The following RIMS2 variants were observed in gnomAD, a reference collection of about 807,000 sequenced individuals.
RIMS2 encodes regulating synaptic membrane exocytosis 2.
In RIMS2, 59 loss-of-function variants were observed where a neutral mutation model predicts 174.4. That is an observed-to-expected ratio of 0.34 (90% CI 0.27 to 0.42). The LOEUF (loss-of-function observed/expected upper bound fraction) is 0.42. Among genes scored for constraint, RIMS2 ranks in the 10% least tolerant of loss-of-function variants. RIMS2 has a pLI of 1.00. For missense variants in RIMS2, 1,620 were observed against 1,666.3 expected (o/e 0.97, Z 0.48); for synonymous variants, 606 against 572.5 (o/e 1.06, Z -0.84).
At chr8:103,854,731 A>G (rs1274766675) in intron 3 of RIMS2, among the ~76,000 whole-genome samples, 1 of 151,996 alleles carries the variant, frequency 6.6e-6, no homozygotes, top group Non-Finnish European at 1.5e-5. Context: ...GTTGTGGTAT[A>G]TTAACTTTTT....
chr8:103,664,589 C>T (rs1453470252), intron 1 of RIMS2, among the ~76,000 whole-genome samples: 2 of 152,120 alleles, frequency 1.3e-5, no homozygotes, highest in Non-Finnish European at 2.9e-5. Context: ...CCATCTCATG[C>T]CAGTTAGAAT....
In RIMS2 at chr8:104,137,560, TC is replaced by T. The variant is rs1196361945; in HGVS notation, c.3335-107355del. On this transcript the variant is annotated intron_variant, in intron 19 of 23. Coordinates refer to ENST00000504942, the Ensembl canonical transcript of RIMS2. The stretch of plus-strand genomic sequence containing the variant: ...TTTATACATTCATTATATATTACAA[TC>T]ATGTATATAATAAATAGATGGCATA... Among the ~76,000 whole-genome samples, 6 of 152,336 alleles carry T rather than the reference TC, an allele frequency of 3.9e-5. No homozygotes were observed. In the South Asian group the frequency reaches 1.2e-3, roughly 32 times the overall value.
intron 19 of RIMS2, among the ~76,000 whole-genome samples, chr8:104,181,226 A>G (rs955644847): frequency 1.3e-5 from 2 of 151,670 alleles, no homozygotes; most frequent in African/African-American, 2.4e-5. Flanking sequence ...CTATTGAAGC[A>G]TATCTTGGAA....
At chr8:103,571,488 T>G (rs1311281289) in intron 1 of RIMS2, among the ~76,000 whole-genome samples, 1 of 152,172 alleles carries the variant, frequency 6.6e-6, no homozygotes, top group African/African-American at 2.4e-5. Context: ...TTGGTGTGGA[T>G]ACTGTGACAG....
intron 19 of RIMS2, among the ~76,000 whole-genome samples, chr8:104,033,156 G>GAATTT (rs2096437280): frequency 1.3e-5 from 2 of 151,688 alleles, no homozygotes; most frequent in Admixed American, 6.6e-5. Context: ...TTCACATTGG[G>GAATTT]AATTTAAATT....
chr8:103,976,990 T>A (rs1365505524), intron 16 of RIMS2: 1 of 152,222 alleles, frequency 6.6e-6, no homozygotes, highest in Non-Finnish European at 1.5e-5. Flanking sequence ...ACAAGAAATA[T>A]GTGCATAATT....
exon 3 of RIMS2, chr8:103,766,525 TAGCTTC>T: frequency 6.2e-7 from 1 of 1,610,818 alleles, no homozygotes; most frequent in Admixed American, 1.7e-5. Flanking sequence ...GCCAGTGACA[TAGCTTC>T]AGACAGGTAA....
intron 19 of RIMS2, among the ~76,000 whole-genome samples, chr8:104,188,240 T>TG (rs2098979209): frequency 2.9e-5 from 4 of 138,906 alleles, no homozygotes; most frequent in African/African-American, 1.1e-4. Context: ...GATAGATAGA[T>TG]AGATAGATAG....
intron 1 of RIMS2, among the ~76,000 whole-genome samples, chr8:103,564,261 T>C (rs1487613554): frequency 6.6e-6 from 1 of 152,234 alleles, no homozygotes; most frequent in Non-Finnish European, 1.5e-5. Flanking sequence ...CATCAGATTC[T>C]GTACCTTTAA....
At chr8:103,577,060 C>T (rs376079026) in intron 1 of RIMS2, among the ~76,000 whole-genome samples, 1 of 152,062 alleles carries the variant, frequency 6.6e-6, no homozygotes, top group Non-Finnish European at 1.5e-5. Context: ...GCAACAAAAG[C>T]CAAAATTGAC....
intron 2 of RIMS2, among the ~76,000 whole-genome samples, chr8:103,732,484 C>A (rs2097614643): frequency 1.3e-5 from 2 of 152,150 alleles, no homozygotes. Flanking sequence ...AAGGGCTCTA[C>A]AATCAGCAGG....
At chr8:103,751,725 T>G (rs2097894527) in intron 2 of RIMS2, among the ~76,000 whole-genome samples, 1 of 151,164 alleles carries the variant, frequency 6.6e-6, no homozygotes, top group African/African-American at 2.4e-5. Flanking sequence ...TCATGTGTTT[T>G]TTGGCTGCAT....
At chr8:104,000,716 A>C (rs1273503383) in intron 17 of RIMS2, among the ~76,000 whole-genome samples, 1 of 151,764 alleles carries the variant, frequency 6.6e-6, no homozygotes, top group East Asian at 1.9e-4. Flanking sequence ...TCTCTCCAGC[A>C]CTTGTTATTT....
chr8:103,541,369 A>G (rs1842497656), intron 1 of RIMS2, among the ~76,000 whole-genome samples: 1 of 152,252 alleles, frequency 6.6e-6, no homozygotes. Flanking sequence ...CTGTTAACCA[A>G]TACTTTACCC....
chr8:104,100,796 TTA>T (rs978045939), intron 19 of RIMS2, among the ~76,000 whole-genome samples: 4 of 142,848 alleles, frequency 2.8e-5, no homozygotes, highest in African/African-American at 1.0e-4. Flanking sequence ...CAATTTCCTG[TTA>T]TATATATATT....
intron 3 of RIMS2, among the ~76,000 whole-genome samples, chr8:103,798,195 A>G (rs2098567375): frequency 6.6e-6 from 1 of 152,190 alleles, no homozygotes; most frequent in Non-Finnish European, 1.5e-5. Flanking sequence ...AGTCAGGATT[A>G]ATGATATAGT....
chr8:103,757,925 C>G lies in RIMS2; in HGVS notation c.388-8302C>G, dbSNP rs73291818. ...AGGAACTGGTTTTCCCTAGAGCCTT[C>G]TGAAGGATCATGGCCCTGTTGACAT... is the stretch of plus-strand genomic sequence containing the variant. On this transcript the variant is annotated intron_variant, in intron 2 of 23. Transcript: ENST00000504942. Among the ~76,000 whole-genome samples, 762 of 152,308 alleles carry G rather than the reference C, an allele frequency of 5.0e-3. 8 individuals are homozygous for G. Among genetic ancestry groups the G allele is most frequent in the African/African-American group, 0.017 (723 of 41,576 alleles).
intron 19 of RIMS2, among the ~76,000 whole-genome samples, chr8:104,159,325 A>G (rs962533398): frequency 2.0e-5 from 3 of 152,170 alleles, no homozygotes; most frequent in African/African-American, 7.2e-5. Context: ...GAAGTCAAGT[A>G]GCATTATGCC....
At chr8:103,660,252 C>T (rs932190934) in intron 1 of RIMS2, among the ~76,000 whole-genome samples, 1 of 152,192 alleles carries the variant, frequency 6.6e-6, no homozygotes, top group African/African-American at 2.4e-5. Flanking sequence ...GGAGGCAGCC[C>T]GTGGTGAGGC....
Sources: allele counts gnomAD v4.1 joint callset (sites outside exome capture counted in the v4.1 genomes callset), GRCh38; gene constraint gnomAD v4.1.1; transcripts MANE v1.5; gene names NCBI Gene and HGNC (gene_info 2026-07-23, HGNC 2026-07-21).